The following WDR25 variants were observed in gnomAD, a reference collection of about 807,000 sequenced individuals.
WDR25 encodes the protein WD repeat-containing protein 25.
WDR25 carries 35 observed loss-of-function variants against 47.7 expected under a neutral mutation model. The ratio of observed to expected loss-of-function variants is 0.73; its 90% CI spans 0.56 to 0.97. The LOEUF (loss-of-function observed/expected upper bound fraction) is 0.97. WDR25 is among the 50% of genes least tolerant of loss of function. WDR25 has a pLI of 0.00. For missense variants in WDR25, 634 were observed against 704.7 expected (o/e 0.90, Z 1.14); for synonymous variants, 248 against 278.9 (o/e 0.89, Z 1.10).
Position 100,484,052 on chromosome 14 carries a change from A to C in WDR25, c.1029A>C (p.Pro343=). The change falls in exon 4 of 7, where the codon CCA becomes CCC. Residue 343 remains proline, a synonymous_variant. Coordinates refer to ENST00000402312, the MANE Select transcript of WDR25 (RefSeq NM_001161476.3). ...DFRITTLKFH[P]KDHNIFLCGG... ...GAATCACTACCTTGAAATTCCATCC[A>C]AAAGACCACAACATCTTTTTATGTG... 2.5e-6 allele frequency: 4 copies of C among 1,613,894 alleles called. No individual in the cohort carries two copies. Among genetic ancestry groups the C allele is most frequent in the Non-Finnish European group, 3.4e-6 (4 of 1,179,940 alleles).
intron 2 of WDR25, among the ~76,000 whole-genome samples, chr14:100,413,514 C>T (rs12886012): frequency 0.16 from 24,889 of 151,546 alleles, 2,152 homozygotes; most frequent in African/African-American, 0.18. Flanking sequence ...CCCGGGTTCA[C>T]GCCATTCTCC....
rs765099010 is a variant in WDR25 at position 100,381,768 on chromosome 14, C to A, written c.822+22C>A. On this transcript the variant is annotated intron_variant, in intron 2 of 6. Coordinates refer to ENST00000402312, the MANE Select transcript of WDR25 (RefSeq NM_001161476.3). Reference sequence around the variant, plus strand: ...CAAGGTAAGACTTGAATGAAAACTTCTGCTTTCAGATGCTCTTAGGAATAC... The same window carrying A: ...CAAGGTAAGACTTGAATGAAAACTTATGCTTTCAGATGCTCTTAGGAATAC... 57 of 1,550,734 alleles carry A rather than the reference C, an allele frequency of 3.7e-5. No individual in the cohort carries two copies. The South Asian group carries it at 6.6e-4, about 18-fold the overall frequency.
At chr14:100,476,745 C>T (rs148703285) in intron 3 of WDR25, among the ~76,000 whole-genome samples, 25 of 152,312 alleles carry the variant, frequency 1.6e-4, no homozygotes, top group African/African-American at 3.9e-4. Context: ...CCGTGTGATG[C>T]GTGCAAGCTC....
intron 2 of WDR25, among the ~76,000 whole-genome samples, chr14:100,396,061 C>T (rs1019476563): frequency 1.3e-5 from 2 of 150,110 alleles, no homozygotes; most frequent in African/African-American, 4.9e-5. Flanking sequence ...ACTGCAAGCT[C>T]CGCCTTCCGG....
chr14:100,479,952 A>C (rs1027235140), intron 3 of WDR25, among the ~76,000 whole-genome samples: 2 of 152,178 alleles, frequency 1.3e-5, no homozygotes. Context: ...GAGGTGGGAC[A>C]GTTTCATCCC....
intron 2 of WDR25, among the ~76,000 whole-genome samples, chr14:100,413,443 T>C (rs573841921): frequency 2.5e-3 from 373 of 151,124 alleles, no homozygotes; most frequent in Non-Finnish European, 3.6e-3. Flanking sequence ...AGACGGAGTC[T>C]CGCTCTGTCG....
rs1478321451 is a variant in WDR25 at position 100,529,355 on chromosome 14, C to T, written c.1413+147C>T. ...CTGGGTGAGCGCATGCCATGTGGCT[C>T]ACTGTCTCTTCAAGTCCCTGAACCA... On this transcript the variant is annotated intron_variant, in intron 6 of 6. Coordinates refer to ENST00000402312, the MANE Select transcript of WDR25 (RefSeq NM_001161476.3). The surrounding 1 kb of genome is among the most constrained non-coding windows in gnomAD (Gnocchi z 5.1). 8.0e-7 allele frequency: 1 copy of T among 1,254,660 alleles called. No homozygotes were observed. The highest frequency in any genetic ancestry group is 1.1e-6 in the Non-Finnish European group (1 of 908,984). The allele number at this position is 1,254,660 out of a possible 1,614,324, so 77.7% of individuals were successfully genotyped here. A position where few individuals can be genotyped will look rare whatever the true frequency, so the allele number is the denominator to read the frequency against.
At chr14:100,435,237 G>A (rs188367479) in intron 2 of WDR25, among the ~76,000 whole-genome samples, 339 of 152,320 alleles carry the variant, frequency 2.2e-3, no homozygotes, top group Admixed American at 4.3e-3. Flanking sequence ...AATGACGGGT[G>A]TACTTGCTCC....
intron 4 of WDR25, among the ~76,000 whole-genome samples, chr14:100,519,930 TA>T (rs1217866335): frequency 6.9e-6 from 1 of 144,116 alleles, no homozygotes. Flanking sequence ...ATATACTATA[TA>T]TACACTATAG....
intron 2 of WDR25, among the ~76,000 whole-genome samples, chr14:100,467,082 C>T (rs1036235689): frequency 2.6e-5 from 4 of 152,214 alleles, no homozygotes; most frequent in African/African-American, 9.6e-5. Flanking sequence ...GCCTCATACC[C>T]TCATGAAAGG....
intron 3 of WDR25, among the ~76,000 whole-genome samples, chr14:100,469,828 A>C (rs2140299045): frequency 6.6e-6 from 1 of 152,348 alleles, no homozygotes; most frequent in East Asian, 1.9e-4. Flanking sequence ...GGCACAAACC[A>C]GCAAGTGACA....
intron 2 of WDR25, chr14:100,382,201 C>T (rs993515969): frequency 4.3e-6 from 3 of 702,848 alleles, no homozygotes; most frequent in Admixed American, 2.0e-5. Flanking sequence ...GAGGCGGGAG[C>T]CGTGGACAAG....
rs75423128 is a variant in WDR25 at position 100,473,144 on chromosome 14, G to A, written c.970+4976G>A. Among the ~76,000 whole-genome samples, 1,302 of 152,310 alleles carry A rather than the reference G, an allele frequency of 8.5e-3. 21 individuals carry two copies. Among genetic ancestry groups the A allele is most frequent in the African/African-American group, 0.03 (1,236 of 41,568 alleles). On this transcript the variant is annotated intron_variant, in intron 3 of 6. Coordinates refer to ENST00000402312, the MANE Select transcript of WDR25 (RefSeq NM_001161476.3). ...AGGAAAAAGAGAATGACAGGTTATC[G>A]AGCCCTTGCTGTGGGCTGGGCCCTG... is the stretch of plus-strand genomic sequence containing the variant.
chr14:100,470,115 C>T (rs1899778803), intron 3 of WDR25, among the ~76,000 whole-genome samples: 1 of 152,138 alleles, frequency 6.6e-6, no homozygotes. Context: ...AGCTGAGCCA[C>T]AGATTAGGTG....
rs1260450790 is a variant in WDR25 at position 100,488,873 on chromosome 14, C to T, written c.1101+4749C>T. ...TTTATCCACAGGTGTTTATTTACAG[C>T]CGCTTGGTGTGGGAGCCTGAGTCAC... On this transcript the variant is annotated intron_variant, in intron 4 of 6. Transcript: ENST00000402312. This position sits in a 1 kb window ranked among gnomAD's most constrained non-coding sequence, Gnocchi z 4.2. Among the ~76,000 whole-genome samples, 1 of 152,224 alleles carries T rather than the reference C, an allele frequency of 6.6e-6. No homozygotes were observed. The highest frequency in any genetic ancestry group is 1.5e-5 in the Non-Finnish European group (1 of 68,044).
At chr14:100,481,135 GA>G in intron 3 of WDR25, 1 of 414,966 alleles carries the variant, frequency 2.4e-6, no homozygotes, top group Non-Finnish European at 4.8e-6. Context: ...AAAAAAAAGG[GA>G]AAAGGGGAGC....
intron 2 of WDR25, among the ~76,000 whole-genome samples, chr14:100,408,489 G>A (rs1897609742): frequency 6.6e-6 from 1 of 152,198 alleles, no homozygotes; most frequent in Non-Finnish European, 1.5e-5. Flanking sequence ...GCAGCCCTCA[G>A]TGCTGTCTCT....
chr14:100,499,179 G>A lies in WDR25; in HGVS notation c.1101+15055G>A, dbSNP rs1457561526. Among the ~76,000 whole-genome samples the A allele has an allele frequency of 1.3e-5, 2 of 152,316 alleles. No individual in the cohort carries two copies. Among genetic ancestry groups the A allele is most frequent in the East Asian group, 1.9e-4 (1 of 5,194 alleles). ...AACCCAGCCATAACCACCACTGACA[G>A]TTGGTATCCTTCATTCAATTGTTTT... On this transcript the variant is annotated intron_variant, in intron 4 of 6. Coordinates refer to ENST00000402312, the MANE Select transcript of WDR25 (RefSeq NM_001161476.3). The surrounding 1 kb of genome is among the most constrained non-coding windows in gnomAD (Gnocchi z 4.4).
At chr14:100,457,932 A>G (rs1899257431) in intron 2 of WDR25, among the ~76,000 whole-genome samples, 1 of 152,232 alleles carries the variant, frequency 6.6e-6, no homozygotes, top group Non-Finnish European at 1.5e-5. Flanking sequence ...ATTTATGGTT[A>G]TAAGTCTAAC....
Sources: gnomAD v4.1 joint callset for allele counts (sites outside exome capture counted in the v4.1 genomes callset) on GRCh38, gnomAD v4.1.1 for gene constraint, Gnocchi (gnomAD v3.1) non-coding constraint, MANE v1.5 for transcripts, NCBI Gene and HGNC (gene_info 2026-07-23, HGNC 2026-07-21) for gene names.